STX8: variants seen among roughly 807,000 people sequenced by gnomAD.
STX8 encodes the protein syntaxin 8.
In STX8, 23 loss-of-function variants were observed where a neutral mutation model predicts 37.5. The ratio of observed to expected loss-of-function variants is 0.61; its 90% CI spans 0.44 to 0.87. The LOEUF (loss-of-function observed/expected upper bound fraction) is 0.87. Ranked by LOEUF, STX8 falls within the 40% of genes least tolerant of loss-of-function variation. The pLI is 0.00. For missense variants in STX8, 313 were observed against 284.7 expected (o/e 1.10, Z -0.71); for synonymous variants, 115 against 99.1 (o/e 1.16, Z -0.95).
At chr17:9,258,125 C>T (rs1906871597) in intron 7 of STX8, among the ~76,000 whole-genome samples, 2 of 152,146 alleles carry the variant, frequency 1.3e-5, no homozygotes, top group Admixed American at 1.3e-4. Context: ...AGGGACAATT[C>T]CTAAAGTTTG....
intron 1 of STX8, 39 bp from the exon 2 acceptor site, chr17:9,568,509 C>CTT: frequency 2.0e-6 from 3 of 1,529,026 alleles, no homozygotes; most frequent in Non-Finnish European, 2.7e-6. Flanking sequence ...GTTTAAGGTT[C>CTT]TTTTTTTTTG....
intron 1 of STX8, among the ~76,000 whole-genome samples, chr17:9,573,380 G>A (rs934413415): frequency 6.6e-6 from 1 of 151,988 alleles, no homozygotes; most frequent in Non-Finnish European, 1.5e-5. Flanking sequence ...CCAGACATTC[G>A]TTTCTATTGA....
chr17:9,346,373 C>T (rs147672610), intron 7 of STX8, among the ~76,000 whole-genome samples: 99 of 152,238 alleles, frequency 6.5e-4, no homozygotes, highest in Non-Finnish European at 1.1e-3. Flanking sequence ...AATATTACCA[C>T]GGGAGCACAC....
At chr17:9,517,015 A>T (rs1231896163) in intron 4 of STX8, among the ~76,000 whole-genome samples, 2 of 152,186 alleles carry the variant, frequency 1.3e-5, no homozygotes, top group African/African-American at 4.8e-5. Context: ...GAAAGCAGAT[A>T]TTCTTTTTAA....
At chr17:9,357,733 T>G (rs10221229) in intron 7 of STX8, among the ~76,000 whole-genome samples, 106,915 of 151,976 alleles carry the variant, frequency 0.7, 39,124 homozygotes, top group Non-Finnish European at 0.79. Flanking sequence ...AAATTAAAAT[T>G]TTTAAATACT....
intron 4 of STX8, among the ~76,000 whole-genome samples, chr17:9,542,606 G>A (rs1413460834): frequency 1.3e-5 from 2 of 152,046 alleles, no homozygotes; most frequent in Non-Finnish European, 2.9e-5. Flanking sequence ...GAACCTGGGA[G>A]GCGGAGCTTG....
At chr17:9,402,182 C>A (rs190242485) in intron 6 of STX8, among the ~76,000 whole-genome samples, 2 of 152,082 alleles carry the variant, frequency 1.3e-5, no homozygotes, top group African/African-American at 4.8e-5. Flanking sequence ...TGCAATGGCA[C>A]GATCTCGGCT....
At chr17:9,454,250 C>A (rs1046984722) in intron 6 of STX8, among the ~76,000 whole-genome samples, 17 of 152,070 alleles carry the variant, frequency 1.1e-4, no homozygotes, top group Non-Finnish European at 2.4e-4. Context: ...AGAGGGCTAC[C>A]AAATGACTCG....
intron 7 of STX8, among the ~76,000 whole-genome samples, chr17:9,324,548 A>G (rs1199906142): frequency 6.6e-6 from 1 of 151,984 alleles, no homozygotes; most frequent in Non-Finnish European, 1.5e-5. Flanking sequence ...GGATCACCTG[A>G]GGTCAGGAGT....
chr17:9,517,245 C>T (rs180762015), intron 4 of STX8, among the ~76,000 whole-genome samples: 79 of 152,236 alleles, frequency 5.2e-4, no homozygotes, highest in African/African-American at 1.5e-3. Flanking sequence ...CTGTCTCCCA[C>T]GCTAGACTAT....
rs566680983 is a variant in STX8 at position 9,290,613 on chromosome 17, A to G, written c.644-39968T>C. 3.9e-5 allele frequency among the ~76,000 whole-genome samples: 6 copies of G among 152,346 alleles called. No homozygotes were observed. The East Asian group carries it at 1.2e-3, about 29-fold the overall frequency. Reference sequence around the variant, plus strand: ...AAAATCTCAAATCACATCTTGCTACAGTATAGCGAGGGAAGGAGGGGCCTC... The same window carrying G: ...AAAATCTCAAATCACATCTTGCTACGGTATAGCGAGGGAAGGAGGGGCCTC... On this transcript the variant is annotated intron_variant, in intron 7 of 7. Transcript: ENST00000306357.
intron 4 of STX8, among the ~76,000 whole-genome samples, chr17:9,512,984 T>C (rs1234890798): frequency 6.6e-5 from 10 of 151,876 alleles, no homozygotes; most frequent in South Asian, 2.1e-4. Flanking sequence ...ATTTTATGAG[T>C]CAGACCTCAC....
chr17:9,444,586 C>G (rs1276761755), intron 6 of STX8, among the ~76,000 whole-genome samples: 1 of 152,182 alleles, frequency 6.6e-6, no homozygotes, highest in Admixed American at 6.5e-5. Context: ...AAGTCCTAAA[C>G]CTCAAGATCT....
At chr17:9,377,222 A>G (rs1444088182) in intron 7 of STX8, among the ~76,000 whole-genome samples, 1 of 151,866 alleles carries the variant, frequency 6.6e-6, no homozygotes, top group Non-Finnish European at 1.5e-5. Flanking sequence ...GATCCATTAC[A>G]TTTTTCATAT....
intron 7 of STX8, among the ~76,000 whole-genome samples, chr17:9,375,325 C>T (rs1911545877): frequency 6.6e-6 from 1 of 152,048 alleles, no homozygotes; most frequent in Non-Finnish European, 1.5e-5. Flanking sequence ...CTTAAGAGTC[C>T]AGCTCAGAAG....
chr17:9,451,593 A>G (rs1484695347), intron 6 of STX8, among the ~76,000 whole-genome samples: 1 of 152,168 alleles, frequency 6.6e-6, no homozygotes, highest in Non-Finnish European at 1.5e-5. Flanking sequence ...CCTATGATAT[A>G]TATGTCCAAA....
At chr17:9,354,745 C>T (rs1054746766) in intron 7 of STX8, among the ~76,000 whole-genome samples, 6 of 152,186 alleles carry the variant, frequency 3.9e-5, no homozygotes, top group African/African-American at 1.4e-4. Flanking sequence ...TCATAACCTT[C>T]AGCAATCACT....
chr17:9,389,700 C>T (rs1317875133), intron 6 of STX8, among the ~76,000 whole-genome samples: 1 of 151,914 alleles, frequency 6.6e-6, no homozygotes, highest in Non-Finnish European at 1.5e-5. Context: ...CTCATAATGG[C>T]AGTAGTAAAG....
intron 7 of STX8, among the ~76,000 whole-genome samples, chr17:9,324,157 A>ACAC (rs1567783713): frequency 1.1e-3 from 131 of 114,244 alleles, no homozygotes; most frequent in Admixed American, 4.9e-3. Flanking sequence ...CACACACACA[A>ACAC]ACACAAACAC....
Sources: gnomAD v4.1 joint callset for allele counts (sites outside exome capture counted in the v4.1 genomes callset) on GRCh38, gnomAD v4.1.1 for gene constraint, MANE v1.5 for transcripts, NCBI Gene and HGNC (gene_info 2026-07-23, HGNC 2026-07-21) for gene names.